PDZD2: variants seen among roughly 807,000 people sequenced by gnomAD.
PDZD2 encodes PDZ domain-containing protein 2.
Under a neutral mutation model 220.7 loss-of-function variants are expected in PDZD2, and 90 were observed. The observed-to-expected ratio is 0.41, with a 90% CI of 0.34 to 0.49. The LOEUF is 0.49. Among genes scored for constraint, PDZD2 ranks in the 20% least tolerant of loss-of-function variants. The pLI is 0.28. For synonymous variants in PDZD2, 1,375 were observed against 1,450.5 expected, an observed-to-expected ratio of 0.95 and a Z score of 1.18; for missense variants, 3,174 against 3,608.5, an observed-to-expected ratio of 0.88 and a Z score of 3.08.
intron 6 of PDZD2, among the ~76,000 whole-genome samples, chr5:32,031,963 C>T (rs927657531): frequency 6.6e-6 from 1 of 152,242 alleles, no homozygotes; most frequent in African/African-American, 2.4e-5. Context: ...TTATACTCTG[C>T]ATACACCTCC....
chr5:31,933,543 A>G (rs996930118), intron 2 of PDZD2, among the ~76,000 whole-genome samples: 10 of 151,944 alleles, frequency 6.6e-5, no homozygotes, highest in Admixed American at 2.6e-4. Context: ...TTCTGGGAGA[A>G]TCTTAGGTGT....
intron 21 of PDZD2, among the ~76,000 whole-genome samples, chr5:32,096,365 G>A (rs1024304085): frequency 6.6e-6 from 1 of 152,044 alleles, no homozygotes; most frequent in African/African-American, 2.4e-5. Flanking sequence ...CACCCAGGCT[G>A]GAGTGCAACT....
intron 1 of PDZD2, among the ~76,000 whole-genome samples, chr5:31,671,687 G>A (rs998371595): frequency 6.6e-5 from 10 of 152,150 alleles, no homozygotes; most frequent in Non-Finnish European, 1.0e-4. Flanking sequence ...ACTATCCAAG[G>A]CCAGGCACCC....
intron 5 of PDZD2, among the ~76,000 whole-genome samples, chr5:32,007,942 T>C (rs1752966249): frequency 6.6e-6 from 1 of 151,954 alleles, no homozygotes. Context: ...AGCCTTAACC[T>C]GTACATAAGA....
chr5:31,781,730 G>T (rs190367786), intron 1 of PDZD2, among the ~76,000 whole-genome samples: 32 of 152,290 alleles, frequency 2.1e-4, no homozygotes, highest in Non-Finnish European at 3.1e-4. Flanking sequence ...TTCTATTTCT[G>T]ACCTTTTCTT....
At position 31,788,388 on chromosome 5, in the gene PDZD2, G is replaced by A. The variant is rs180785373; in HGVS notation, c.-360-10501G>A. 5.5e-3 allele frequency among the ~76,000 whole-genome samples: 833 copies of A among 151,070 alleles called. 7 individuals carry two copies. The highest frequency in any genetic ancestry group is 0.017 in the African/African-American group (679 of 41,098). On this transcript the variant is annotated intron_variant, in intron 1 of 24. Coordinates refer to ENST00000438447, the MANE Select transcript of PDZD2 (RefSeq NM_178140.4). ...CTTCGTCTCAAAAATAAAAAAGGCC[G>A]GGCACAGTGGCTCACGCCTGTAATC...
chr5:31,809,240 G>A (rs1012329362), intron 2 of PDZD2, among the ~76,000 whole-genome samples: 4 of 152,102 alleles, frequency 2.6e-5, no homozygotes, highest in African/African-American at 7.2e-5. Flanking sequence ...TCTGAGGGCC[G>A]TCGCCTGCCA....
In PDZD2 at chr5:31,983,604, G is replaced by T. The variant is rs765301321; in HGVS notation, c.926G>T (p.Arg309Leu). The T allele has an allele frequency of 2.5e-6, 4 of 1,614,168 alleles. No homozygotes were observed. The highest frequency in any genetic ancestry group is 3.4e-6 in the Non-Finnish European group (4 of 1,180,010). ...CTGACCACAAGCAATGACAAACGCC[G>T]CTTCTCAAAAGGTGGGAAGACGGAC... ...APLTTSNDKR[R>L]FSKGGKTDFQ... is the part of the protein sequence containing the mutation. Residue 309 changes from arginine (R) to leucine (L), a missense_variant, in exon 3 of 25, where the codon CGC (arginine) becomes CTC (leucine). Transcript: ENST00000438447.
intron 1 of PDZD2, among the ~76,000 whole-genome samples, chr5:31,672,508 G>A (rs1460405554): frequency 3.9e-5 from 6 of 152,170 alleles, no homozygotes; most frequent in African/African-American, 1.2e-4. Context: ...CCCACCTCCA[G>A]CCCAGGGCCT....
intron 2 of PDZD2, among the ~76,000 whole-genome samples, chr5:31,923,038 A>C (rs190797725): frequency 1.3e-5 from 2 of 149,046 alleles, no homozygotes; most frequent in Admixed American, 1.3e-4. Context: ...CATGCCTGAA[A>C]TCCCAGCACT....
chr5:31,773,482 T>TCC (rs1160911192), intron 1 of PDZD2, among the ~76,000 whole-genome samples: 1 of 69,390 alleles, frequency 1.4e-5, no homozygotes, highest in African/African-American at 7.9e-5. Flanking sequence ...CTACTAAAAA[T>TCC]ACAAAAAAAA....
intron 2 of PDZD2, among the ~76,000 whole-genome samples, chr5:31,973,171 C>A (rs928933105): frequency 6.6e-6 from 1 of 152,104 alleles, no homozygotes; most frequent in Non-Finnish European, 1.5e-5. Context: ...TTGAGGAAAC[C>A]AAATCTTCAT....
chr5:31,864,225 T>G (rs1737984878), intron 2 of PDZD2, among the ~76,000 whole-genome samples: 1 of 152,208 alleles, frequency 6.6e-6, no homozygotes, highest in Non-Finnish European at 1.5e-5. Flanking sequence ...CTCCAGCTCC[T>G]GCATAGTCTG....
At chr5:32,003,935 C>T (rs904046761) in intron 5 of PDZD2, among the ~76,000 whole-genome samples, 1 of 152,164 alleles carries the variant, frequency 6.6e-6, no homozygotes, top group African/African-American at 2.4e-5. Flanking sequence ...TGGTCTTAAA[C>T]TCCTGACCTC....
At chr5:31,721,909 C>T (rs902306305) in intron 1 of PDZD2, among the ~76,000 whole-genome samples, 1 of 152,054 alleles carries the variant, frequency 6.6e-6, no homozygotes, top group Non-Finnish European at 1.5e-5. Flanking sequence ...TCTGGATTTC[C>T]TCATCTCCAT....
intron 21 of PDZD2, among the ~76,000 whole-genome samples, chr5:32,096,293 G>A (rs1180846904): frequency 6.6e-6 from 1 of 151,982 alleles, no homozygotes; most frequent in Non-Finnish European, 1.5e-5. Flanking sequence ...AGTTCTGCGG[G>A]ACAGTCTAGG....
In PDZD2 at chr5:32,087,687, C is replaced by T; in HGVS notation, c.4239C>T (p.His1413=). 10 of 1,614,116 alleles carry T rather than the reference C, an allele frequency of 6.2e-6. No individual in the cohort carries two copies. The highest frequency in any genetic ancestry group is 8.5e-6 in the Non-Finnish European group (10 of 1,179,976). The change falls in exon 20 of 25, where the codon CAC becomes CAT. Residue 1413 remains histidine (H), a synonymous_variant. Coordinates refer to ENST00000438447, the MANE Select transcript of PDZD2 (RefSeq NM_178140.4). This position sits in a 1 kb window ranked among gnomAD's most constrained non-coding sequence, Gnocchi z 4.0. ...AAGCATGTGGCCATGTCTCGGGGCACTGCTGCCCAGGGGGGAGTAGAGAGA... is the reference window on the plus strand; with the variant it reads ...AAGCATGTGGCCATGTCTCGGGGCATTGCTGCCCAGGGGGGAGTAGAGAGA... ...TKEACGHVSG[H]CCPGGSRESP...
rs1302460724 is a variant in PDZD2, at chr5:32,097,311, T to C, written c.7878T>C (p.Asn2626=). The change falls in exon 22 of 25, where the codon AAT becomes AAC. Residue 2626 remains asparagine, a synonymous_variant. Coordinates refer to ENST00000438447, the MANE Select transcript of PDZD2 (RefSeq NM_178140.4). ...NEEDVCFIVL[N]RKEGSGLGFS... is the part of the protein sequence containing the mutation. ...AAGATGTTTGCTTCATAGTCTTGAA[T>C]AGAAAAGAAGGCTCAGGTCTGGGAT... 1 of 1,613,034 alleles carries C rather than the reference T, an allele frequency of 6.2e-7. No homozygotes were observed. Among genetic ancestry groups the C allele is most frequent in the Non-Finnish European group, 8.5e-7 (1 of 1,179,004 alleles).
At chr5:31,734,520 T>C (rs532693666) in intron 1 of PDZD2, among the ~76,000 whole-genome samples, 59 of 152,272 alleles carry the variant, frequency 3.9e-4, no homozygotes, top group African/African-American at 1.4e-3. Context: ...GGTTTCACCA[T>C]GTTGGCCAGG....
Sources: gnomAD v4.1 joint callset for allele counts (sites outside exome capture counted in the v4.1 genomes callset) on GRCh38, gnomAD v4.1.1 for gene constraint, Gnocchi (gnomAD v3.1) non-coding constraint, MANE v1.5 for transcripts, NCBI Gene and HGNC (gene_info 2026-07-23, HGNC 2026-07-21) for gene names.